Variants in SLC25A40 observed in about 807,000 individuals in gnomAD.
SLC25A40 encodes the protein solute carrier family 25 member 40.
In SLC25A40, 41 loss-of-function variants were observed where a neutral mutation model predicts 46.5. The ratio of observed to expected loss-of-function variants is 0.88; its 90% CI spans 0.69 to 1.14. The LOEUF (loss-of-function observed/expected upper bound fraction) is 1.14. Among genes scored for constraint, SLC25A40 ranks in the 50% most tolerant of loss-of-function variants. SLC25A40 has a pLI of 0.00. For synonymous variants in SLC25A40, 126 were observed against 127.5 expected (o/e 0.99, Z 0.08); for missense variants, 386 against 393.6 (o/e 0.98, Z 0.16).
chr7:87,845,870 A>C (rs952314272), intron 8 of SLC25A40, among the ~76,000 whole-genome samples: 1 of 152,136 alleles, frequency 6.6e-6, no homozygotes, highest in Non-Finnish European at 1.5e-5. Flanking sequence ...GTGAAGCAGC[A>C]GAAAATCTCT....
At position 87,841,682 on chromosome 7, in the gene SLC25A40, T is replaced by C. The variant is rs766281993; in HGVS notation, c.774A>G (p.Val258=). The change falls in exon 10 of 12, where the codon GTA becomes GTG. Residue 258 remains valine, a synonymous_variant. Transcript: ENST00000341119. ...GTTGTGTCTGCTTTTGTGTTTTTAC[T>C]ACATCAAATGGTAAAGTTGCAACAG... The part of the protein sequence containing the change: ...FAAVATLPFD[V]VKTQKQTQLW... The C allele has an allele frequency of 7.8e-6, 12 of 1,531,448 alleles. No homozygotes were observed. Among genetic ancestry groups the C allele is most frequent in the African/African-American group, 2.8e-5 (2 of 71,968 alleles). 94.9% of individuals were successfully genotyped at this position (1,531,448 alleles called of 1,614,324 possible). A position where few individuals can be genotyped will look rare whatever the true frequency, so the allele number is the denominator to read the frequency against.
chr7:87,872,501 T>G (rs1032054657), intron 1 of SLC25A40, among the ~76,000 whole-genome samples: 12 of 152,100 alleles, frequency 7.9e-5, no homozygotes, highest in African/African-American at 2.7e-4. Context: ...GAAGAAAACC[T>G]TTGACAACAT....
In SLC25A40 at chr7:87,846,936, A is replaced by C; in HGVS notation, c.631+13T>G. ...ATGTAAAATTTAGTAGCTACAAATAAGATAAATCCTACCTGAGAAAGGTAC... is the reference window on the plus strand; with the variant it reads ...ATGTAAAATTTAGTAGCTACAAATACGATAAATCCTACCTGAGAAAGGTAC... On this transcript the variant is annotated intron_variant, in intron 8 of 11. Transcript: ENST00000341119. 2 of 1,581,190 alleles carry C rather than the reference A, an allele frequency of 1.3e-6. No individual in the cohort carries two copies. The highest frequency in any genetic ancestry group is 1.7e-6 in the Non-Finnish European group (2 of 1,166,198).
At chr7:87,868,501 G>T (rs1052722419) in intron 1 of SLC25A40, among the ~76,000 whole-genome samples, 5 of 152,160 alleles carry the variant, frequency 3.3e-5, no homozygotes, top group Admixed American at 2.6e-4. Flanking sequence ...TCAGTCAGAA[G>T]TCCATGCCTC....
intron 1 of SLC25A40, among the ~76,000 whole-genome samples, chr7:87,870,265 T>C (rs1036486487): frequency 2.6e-5 from 4 of 151,952 alleles, no homozygotes; most frequent in African/African-American, 9.7e-5. Flanking sequence ...CATAGTGTTC[T>C]TCAACATACA....
chr7:87,849,324 A>C (rs1325075210), intron 6 of SLC25A40, among the ~76,000 whole-genome samples: 1 of 152,144 alleles, frequency 6.6e-6, no homozygotes, highest in Non-Finnish European at 1.5e-5. Context: ...TCCCCATTAG[A>C]AGGTTTTTTG....
intron 1 of SLC25A40, among the ~76,000 whole-genome samples, chr7:87,873,241 A>G (rs1361144173): frequency 1.3e-5 from 2 of 151,008 alleles, no homozygotes. Context: ...CAAAAGAAAG[A>G]AAAAAAAAGT....
At chr7:87,839,026 T>A (rs1456151483) in intron 10 of SLC25A40, among the ~76,000 whole-genome samples, 1 of 151,522 alleles carries the variant, frequency 6.6e-6, no homozygotes, top group East Asian at 1.9e-4. Context: ...GTGCAAAAGT[T>A]TCCCTAGGGC....
At chr7:87,857,901 C>T (rs1027081853) in intron 3 of SLC25A40, among the ~76,000 whole-genome samples, 9 of 152,160 alleles carry the variant, frequency 5.9e-5, no homozygotes, top group African/African-American at 1.4e-4. Flanking sequence ...AGCCTATAAA[C>T]GGACATGCAA....
At chr7:87,856,440 A>G in intron 3 of SLC25A40, 89 bp from the exon 4 acceptor site, 1 of 968,000 alleles carries the variant, frequency 1.0e-6, no homozygotes, top group South Asian at 1.3e-5. Context: ...ATTGATTCAT[A>G]CTTTTCCTCA....
At chr7:87,860,222 A>G (rs1202734168) in intron 2 of SLC25A40, 2 of 152,174 alleles carry the variant, frequency 1.3e-5, no homozygotes, top group Non-Finnish European at 2.9e-5. Flanking sequence ...CAACAAAAAA[A>G]ACGTCATACA....
chr7:87,849,591 A>T (rs1838476396), intron 6 of SLC25A40, among the ~76,000 whole-genome samples: 2 of 152,142 alleles, frequency 1.3e-5, no homozygotes, highest in African/African-American at 4.8e-5. Flanking sequence ...ATAAGGGAGG[A>T]CTTTGGAAGC....
chr7:87,860,989 T>C (rs1436212293), intron 1 of SLC25A40, among the ~76,000 whole-genome samples: 4 of 152,152 alleles, frequency 2.6e-5, no homozygotes, highest in Non-Finnish European at 4.4e-5. Context: ...TCTATGACGG[T>C]TGTTTTTTTT....
chr7:87,871,345 T>C (rs1159958344), intron 1 of SLC25A40, among the ~76,000 whole-genome samples: 1 of 152,182 alleles, frequency 6.6e-6, no homozygotes, highest in Non-Finnish European at 1.5e-5. Context: ...CAAAGGAAAG[T>C]GAATCTTGCC....
chr7:87,858,967 TACAGAGGTATCAGC>T (rs1327139284), intron 2 of SLC25A40, among the ~76,000 whole-genome samples: 2 of 152,102 alleles, frequency 1.3e-5, no homozygotes, highest in African/African-American at 2.4e-5. Flanking sequence ...CCCAATAGAG[TACAGAGGTATCAGC>T]AAATACAGCC....
chr7:87,868,648 C>T (rs1199500129), intron 1 of SLC25A40, among the ~76,000 whole-genome samples: 5 of 152,076 alleles, frequency 3.3e-5, no homozygotes, highest in Non-Finnish European at 5.9e-5. Flanking sequence ...GCAAAGGGAA[C>T]GGGTGAAGAA....
chr7:87,868,201 C>T (rs1045560035), intron 1 of SLC25A40, among the ~76,000 whole-genome samples: 9 of 152,188 alleles, frequency 5.9e-5, no homozygotes, highest in African/African-American at 1.9e-4. Flanking sequence ...TCACAACTTC[C>T]AGTATAGAAA....
Position 87,836,801 on chromosome 7 carries a change from G to T in SLC25A40, c.833C>A (p.Pro278His). 1 of 1,504,500 alleles carries T rather than the reference G, an allele frequency of 6.6e-7. No homozygotes were observed. The highest frequency in any genetic ancestry group is 1.3e-5 in the South Asian group (1 of 76,118). The allele number at this position is 1,504,500 out of a possible 1,614,324, so 93.2% of individuals were successfully genotyped here. Residue 278 changes from proline to histidine, a missense_variant, in exon 11 of 12, where the codon CCT becomes CAT. Pro to His is a moderately conservative substitution (Grantham distance 77). Transcript: ENST00000341119. ...WTYESHKISM[P>H]LHMSTWIIMK... is the part of the protein sequence containing the mutation. Reference sequence around the variant, plus strand: ...TATAATCCAGGTTGACATATGCAAAGGCATAGAAACTAAATGTTAAAATAA... The same window carrying T: ...TATAATCCAGGTTGACATATGCAAATGCATAGAAACTAAATGTTAAAATAA...
intron 5 of SLC25A40, among the ~76,000 whole-genome samples, chr7:87,851,826 A>G (rs1011795708): frequency 6.6e-6 from 1 of 152,196 alleles, no homozygotes; most frequent in Non-Finnish European, 1.5e-5. Context: ...CTAAAATAGA[A>G]TGTTTTAAGT....
Sources: gnomAD v4.1 joint callset for allele counts (sites outside exome capture counted in the v4.1 genomes callset) on GRCh38, gnomAD v4.1.1 for gene constraint, MANE v1.5 for transcripts, NCBI Gene and HGNC (gene_info 2026-07-23, HGNC 2026-07-21) for gene names.